PXT1: variants seen among roughly 807,000 people sequenced by gnomAD.
PXT1 encodes peroxisomal testis-specific protein 1.
Under a neutral mutation model 11.0 loss-of-function variants are expected in PXT1, and 11 were observed. The ratio of observed to expected loss-of-function variants is 1.00; its 90% confidence interval spans 0.63 to 1.66. The LOEUF (loss-of-function observed/expected upper bound fraction) is 1.66, where lower values mean the gene tolerates loss of function less well. Ranked by LOEUF, PXT1 falls within the 40% of genes most tolerant of loss-of-function variation. The pLI, the probability that PXT1 is intolerant of heterozygous loss-of-function variation, is 0.00. For missense variants in PXT1, 141 were observed against 155.5 expected (o/e 0.91, Z 0.49); for synonymous variants, 43 against 51.4 (o/e 0.84, Z 0.70).
intron 3 of PXT1, among the ~76,000 whole-genome samples, chr6:36,419,974 A>C (rs1774500607): frequency 6.6e-6 from 1 of 152,166 alleles, no homozygotes; most frequent in Admixed American, 6.6e-5. Flanking sequence ...GCCAAGAGTA[A>C]GCTCCTAAGT....
chr6:36,396,697 C>T (rs978172630), intron 4 of PXT1, among the ~76,000 whole-genome samples: 7 of 152,246 alleles, frequency 4.6e-5, no homozygotes, highest in Admixed American at 1.3e-4. Flanking sequence ...TCAGCATGCA[C>T]TGCCTCCCCT....
At chr6:36,424,072 CA>C (rs1212918252) in intron 3 of PXT1, among the ~76,000 whole-genome samples, 2 of 152,174 alleles carry the variant, frequency 1.3e-5, no homozygotes, top group Non-Finnish European at 2.9e-5. Context: ...CCTCGGAAGA[CA>C]GCGATCAGCT....
At chr6:36,426,394 A>G (rs863815) in intron 2 of PXT1, among the ~76,000 whole-genome samples, 50,708 of 102,974 alleles carry the variant, frequency 0.49, 12,339 homozygotes, top group African/African-American at 0.66. Context: ...TTTTGAGACG[A>G]AGTTTTGCTC....
chr6:36,442,208 T>C (rs1774882589), intron 1 of PXT1, among the ~76,000 whole-genome samples: 1 of 152,124 alleles, frequency 6.6e-6, no homozygotes, highest in Admixed American at 6.6e-5. Context: ...TTTGTATTTT[T>C]AGCAGAGACA....
At position 36,391,570 on chromosome 6, in the gene PXT1, C is replaced by A. The variant is rs949062434; in HGVS notation, c.*200G>T. 5 of 590,942 alleles carry A rather than the reference C, an allele frequency of 8.5e-6. No individual in the cohort carries two copies. Among genetic ancestry groups the A allele is most frequent in the Admixed American group, 3.0e-5 (1 of 32,798 alleles). 36.6% of individuals were successfully genotyped at this position (590,942 alleles called of 1,614,324 possible). On this transcript the variant is annotated 3_prime_UTR_variant, in exon 5 of 5. Transcript: ENST00000454782. ...GGCTTTACCGTGATGTGATCGCAGA[C>A]ATCTCATAGCTAGCTCCTCCGAAGA...
At chr6:36,442,306 G>A (rs1561937532) in intron 1 of PXT1, among the ~76,000 whole-genome samples, 1 of 152,176 alleles carries the variant, frequency 6.6e-6, no homozygotes, top group Non-Finnish European at 1.5e-5. Flanking sequence ...AAGGATTACA[G>A]GCGTGAGCCA....
intron 3 of PXT1, among the ~76,000 whole-genome samples, chr6:36,422,546 T>C (rs1174222772): frequency 6.6e-6 from 1 of 152,188 alleles, no homozygotes; most frequent in Non-Finnish European, 1.5e-5. Flanking sequence ...ATACGCTCCA[T>C]GACTGAAGGA....
intron 3 of PXT1, among the ~76,000 whole-genome samples, chr6:36,412,181 G>C (rs1026606788): frequency 1.3e-5 from 2 of 150,924 alleles, no homozygotes; most frequent in Admixed American, 1.3e-4. Context: ...GTGAAACCCC[G>C]TCTCTACCAA....
At chr6:36,416,144 G>A (rs971169343) in intron 3 of PXT1, among the ~76,000 whole-genome samples, 2 of 151,774 alleles carry the variant, frequency 1.3e-5, no homozygotes, top group African/African-American at 4.8e-5. Context: ...AAACCAGCCT[G>A]GGCAATATAG....
At chr6:36,433,413 T>C (rs1015697116) in intron 2 of PXT1, among the ~76,000 whole-genome samples, 1 of 151,924 alleles carries the variant, frequency 6.6e-6, no homozygotes. Flanking sequence ...ATTGTTATAA[T>C]TCAGGAAAAG....
At chr6:36,430,076 G>A (rs924810000) in intron 2 of PXT1, among the ~76,000 whole-genome samples, 8 of 151,822 alleles carry the variant, frequency 5.3e-5, no homozygotes, top group South Asian at 2.1e-4. Flanking sequence ...GCGTAGTGGC[G>A]CATGACTGTA....
At chr6:36,432,239 C>T (rs139909501) in intron 2 of PXT1, among the ~76,000 whole-genome samples, 2 of 151,520 alleles carry the variant, frequency 1.3e-5, no homozygotes, top group Non-Finnish European at 2.9e-5. Flanking sequence ...GGAGGATGAG[C>T]GAGGGAAAAA....
chr6:36,403,898 A>G (rs761689843), intron 3 of PXT1, among the ~76,000 whole-genome samples: 2 of 152,196 alleles, frequency 1.3e-5, no homozygotes, highest in Non-Finnish European at 2.9e-5. Flanking sequence ...AGGTACCTTT[A>G]TGATGTTTTA....
chr6:36,422,580 C>T (rs1272457801), intron 3 of PXT1, among the ~76,000 whole-genome samples: 2 of 152,156 alleles, frequency 1.3e-5, no homozygotes, highest in Non-Finnish European at 2.9e-5. Flanking sequence ...TTATTTATCA[C>T]TGTCATCTCA....
rs371908793 is a variant in PXT1, at chr6:36,432,929, G to GA, written c.-10+5837dup. 6.3e-3 allele frequency among the ~76,000 whole-genome samples: 885 copies of GA among 139,844 alleles called. 4 individuals carry two copies. The highest frequency in any genetic ancestry group is 0.018 in the Middle Eastern group (5 of 274). The allele number at this position is 139,844 out of a possible 152,430, so 91.7% of individuals were successfully genotyped here. A position where few individuals can be genotyped will look rare whatever the true frequency, so the allele number is the denominator to read the frequency against. ...ATAACCAGGTTCTACTCTCTAGCAGGAAAAAAAAAAAAAGGTACTTCTTAG... is the reference window on the plus strand; with the variant it reads ...ATAACCAGGTTCTACTCTCTAGCAGGAAAAAAAAAAAAAAGGTACTTCTTAG... On this transcript the variant is annotated intron_variant, in intron 2 of 4. Coordinates refer to ENST00000454782, the MANE Select transcript of PXT1 (RefSeq NM_152990.4).
intron 3 of PXT1, among the ~76,000 whole-genome samples, chr6:36,402,891 C>T (rs77489313): frequency 0.013 from 1,962 of 152,154 alleles, 43 homozygotes; most frequent in African/African-American, 0.044. Context: ...AAATCAGGAG[C>T]CTTGCAGTTG....
In PXT1 at chr6:36,391,807, A is replaced by G. The variant is rs1366217113; in HGVS notation, c.368T>C (p.Val123Ala). 1.9e-6 allele frequency: 3 copies of G among 1,613,808 alleles called. No homozygotes were observed. Among genetic ancestry groups the G allele is most frequent in the Non-Finnish European group, 2.5e-6 (3 of 1,179,804 alleles). Reference protein sequence around the residue: ...FVFFFFRRVQVLLHFFWNNHL... With the variant: ...FVFFFFRRVQALLHFFWNNHL... ...GTTGTTCCAGAAAAAATGCAGCAAC[A>G]CCTGAACTCTTCTAAAGAAAAAGAA... is the stretch of plus-strand genomic sequence containing the variant. Residue 123 changes from valine (V) to alanine (A), a missense_variant, in exon 5 of 5, where the codon GTG becomes GCG. Coordinates refer to ENST00000454782, the MANE Select transcript of PXT1 (RefSeq NM_152990.4).
chr6:36,394,742 TAAAA>T (rs200617747), intron 4 of PXT1, among the ~76,000 whole-genome samples: 1 of 146,886 alleles, frequency 6.8e-6, no homozygotes, highest in Non-Finnish European at 1.5e-5. Flanking sequence ...AAAACTGAAT[TAAAA>T]AAAAAAGCAG....
chr6:36,433,936 A>G (rs765666539), intron 2 of PXT1, among the ~76,000 whole-genome samples: 1 of 152,088 alleles, frequency 6.6e-6, no homozygotes, highest in Admixed American at 6.5e-5. Context: ...GTTCAGCAAA[A>G]TAGATAAATA....
Sources: allele counts gnomAD v4.1 joint callset (sites outside exome capture counted in the v4.1 genomes callset), GRCh38; gene constraint gnomAD v4.1.1; transcripts MANE v1.5; gene names NCBI Gene and HGNC (gene_info 2026-07-23, HGNC 2026-07-21).